Variants in GABRA3 observed in about 807,000 individuals in gnomAD.
The protein encoded by GABRA3 is gamma-aminobutyric acid receptor subunit alpha-3.
A neutral mutation model predicts 30.1 loss-of-function variants in GABRA3; 10 were observed. The ratio of observed to expected loss-of-function variants is 0.33; its 90% CI spans 0.20 to 0.56. The LOEUF (loss-of-function observed/expected upper bound fraction) is 0.56, where lower values mean the gene tolerates loss of function less well. Among genes scored for constraint, GABRA3 ranks in the 20% least tolerant of loss-of-function variants. GABRA3 has a pLI of 0.89. For missense variants in GABRA3, 233 were observed against 392.0 expected (o/e 0.59, Z 3.42); for synonymous variants, 151 against 146.8 (o/e 1.03, Z -0.21).
At chrX:152,199,232 G>A (rs765935028) in intron 7 of GABRA3, among the ~76,000 whole-genome samples, 56 of 106,510 alleles carry the variant, frequency 5.3e-4, no homozygotes, top group Middle Eastern at 4.9e-3. Context: ...CGGGTGTGGT[G>A]GCGGGCACCT....
At chrX:152,228,233 T>A (rs772630731) in intron 5 of GABRA3, among the ~76,000 whole-genome samples, 23 of 111,685 alleles carry the variant, frequency 2.1e-4, no homozygotes, top group Non-Finnish European at 4.0e-4. Context: ...GGCAAGAAGA[T>A]CAGACAGCAT....
chrX:152,441,136 T>C (rs1326708162), intron 1 of GABRA3, among the ~76,000 whole-genome samples: 1 of 111,399 alleles, frequency 9.0e-6, no homozygotes. Context: ...ATTTTCTCTA[T>C]CCTTATTGTG....
At chrX:152,362,317 G>A (rs185093941) in intron 2 of GABRA3, among the ~76,000 whole-genome samples, 2 of 110,032 alleles carry the variant, frequency 1.8e-5, no homozygotes, top group East Asian at 5.7e-4. Flanking sequence ...TTGAAATATT[G>A]CAGGGCTAAG....
Position 152,325,085 on chromosome X carries a change from G to C in GABRA3, c.262+20496C>G, listed in dbSNP as rs545802053. Among the ~76,000 whole-genome samples, 21 of 111,303 alleles carry C rather than the reference G, an allele frequency of 1.9e-4. No homozygotes were observed. The South Asian group carries it at 8.0e-3, about 42-fold the overall frequency. Reference sequence around the variant, plus strand: ...TTCTTTACTAGATAACACACCTTAGGCTGGATATTAATAAACCTGGTAGAT... The same window carrying C: ...TTCTTTACTAGATAACACACCTTAGCCTGGATATTAATAAACCTGGTAGAT... On this transcript the variant is annotated intron_variant, in intron 3 of 9. Coordinates refer to ENST00000370314, the MANE Select transcript of GABRA3 (RefSeq NM_000808.4).
At chrX:152,233,437 C>T (rs1938129718) in intron 5 of GABRA3, among the ~76,000 whole-genome samples, 1 of 109,772 alleles carries the variant, frequency 9.1e-6, no homozygotes, top group African/African-American at 3.3e-5. Flanking sequence ...CCAAAAAACA[C>T]ATGAAAAAAT....
At chrX:152,299,612 G>C (rs974184174) in intron 3 of GABRA3, among the ~76,000 whole-genome samples, 6 of 111,794 alleles carry the variant, frequency 5.4e-5, no homozygotes, top group African/African-American at 1.6e-4. Flanking sequence ...CCACTTGATA[G>C]TAAGAAAAAG....
intron 1 of GABRA3, among the ~76,000 whole-genome samples, chrX:152,422,835 T>C (rs1461639446): frequency 9.0e-6 from 1 of 110,838 alleles, no homozygotes; most frequent in East Asian, 2.8e-4. Flanking sequence ...ATCTATTGTA[T>C]ATTTGAAACT....
At chrX:152,179,947 TTATC>T (rs1288237715) in intron 9 of GABRA3, among the ~76,000 whole-genome samples, 3 of 111,995 alleles carry the variant, frequency 2.7e-5, no homozygotes, top group Non-Finnish European at 5.6e-5. Context: ...CACATTTTCT[TTATC>T]TATTCATCAG....
At chrX:152,168,624 A>G in intron 9 of GABRA3, 61 bp from the exon 10 acceptor site, 1 of 909,552 alleles carries the variant, frequency 1.1e-6, no homozygotes, top group Non-Finnish European at 1.6e-6. Context: ...TTAATTCATT[A>G]CACAGAGAAC....
At position 152,383,457 on chromosome X, in the gene GABRA3, A is replaced by T. The variant is rs181332518; in HGVS notation, c.-26-18861T>A. ...AATTACAGGCCAATATCCCTGATAA[A>T]TATAGATTCAAAACCATTCAACAAA... is the stretch of plus-strand genomic sequence containing the variant. On this transcript the variant is annotated intron_variant, in intron 1 of 9. Transcript: ENST00000370314. 4.4e-3 allele frequency among the ~76,000 whole-genome samples: 476 copies of T among 108,940 alleles called. 3 individuals are homozygous for T. The highest frequency in any genetic ancestry group is 0.015 in the African/African-American group (462 of 30,101). The allele number at this position is 108,940 out of a possible 115,157, so 94.6% of individuals were successfully genotyped here.
At chrX:152,237,259 TC>T (rs1335808491) in intron 5 of GABRA3, among the ~76,000 whole-genome samples, 1 of 110,749 alleles carries the variant, frequency 9.0e-6, no homozygotes, top group East Asian at 2.9e-4. Flanking sequence ...GGGAATCCTT[TC>T]CCCATTTCTT....
At chrX:152,320,124 G>A (rs879152173) in intron 3 of GABRA3, among the ~76,000 whole-genome samples, 1 of 111,554 alleles carries the variant, frequency 9.0e-6, no homozygotes, top group Non-Finnish European at 1.9e-5. Flanking sequence ...CTGCTGGTGG[G>A]AATATAAACT....
At chrX:152,204,652 T>G (rs1229037898) in intron 7 of GABRA3, among the ~76,000 whole-genome samples, 2 of 112,363 alleles carry the variant, frequency 1.8e-5, no homozygotes, top group African/African-American at 6.5e-5. Context: ...TATTACATGC[T>G]CAAAAATTGA....
At chrX:152,341,301 C>T (rs1940308315) in intron 3 of GABRA3, among the ~76,000 whole-genome samples, 2 of 110,802 alleles carry the variant, frequency 1.8e-5, no homozygotes, top group Admixed American at 9.6e-5. Context: ...AGGTTGGTTC[C>T]GTATCTTTGC....
chrX:152,177,427 C>A (rs1161606264), intron 9 of GABRA3, among the ~76,000 whole-genome samples: 1 of 111,235 alleles, frequency 9.0e-6, no homozygotes, highest in African/African-American at 3.3e-5. Flanking sequence ...TGGGTATTGA[C>A]CAAGGATGAC....
intron 7 of GABRA3, among the ~76,000 whole-genome samples, chrX:152,204,719 A>T (rs1194226448): frequency 1.8e-5 from 2 of 112,055 alleles, no homozygotes; most frequent in East Asian, 5.6e-4. Context: ...GTAAGAAAAC[A>T]AGAATGACAA....
At chrX:152,286,565 G>C (rs757508645) in intron 3 of GABRA3, among the ~76,000 whole-genome samples, 56 of 111,305 alleles carry the variant, frequency 5.0e-4, no homozygotes, top group Non-Finnish European at 9.2e-4. Context: ...GAAAGGTAGG[G>C]AACACATCTA....
At chrX:152,195,245 A>G (rs181109032) in intron 8 of GABRA3, among the ~76,000 whole-genome samples, 5 of 112,240 alleles carry the variant, frequency 4.5e-5, no homozygotes, top group African/African-American at 9.7e-5. Context: ...TGAATTATCA[A>G]GGAATCTCAT....
chrX:152,321,202 G>A (rs753918104), intron 3 of GABRA3, among the ~76,000 whole-genome samples: 12 of 111,035 alleles, frequency 1.1e-4, no homozygotes, highest in Non-Finnish European at 1.9e-4. Flanking sequence ...CCTCACATAC[G>A]GTTAAATAAC....
Sources: allele counts gnomAD v4.1 joint callset (sites outside exome capture counted in the v4.1 genomes callset), GRCh38; gene constraint gnomAD v4.1.1; transcripts MANE v1.5; gene names NCBI Gene and HGNC (gene_info 2026-07-23, HGNC 2026-07-21).